The following RYR3 variants were observed in gnomAD, a reference collection of about 807,000 sequenced individuals.
The protein encoded by RYR3 is brain ryanodine receptor-calcium release channel.
Under a neutral mutation model 584.3 loss-of-function variants are expected in RYR3, and 207 were observed. The observed-to-expected ratio is 0.35, with a 90% CI of 0.32 to 0.40. The LOEUF (loss-of-function observed/expected upper bound fraction) is 0.40, where lower values mean the gene tolerates loss of function less well. Among genes scored for constraint, RYR3 ranks in the 10% least tolerant of loss-of-function variants. The probability of loss-of-function intolerance (pLI) is 1.00; values close to 1 mark genes in which losing one functional copy is unlikely to be tolerated. For synonymous variants in RYR3, 2,416 were observed against 2,248.5 expected (o/e 1.07, Z -2.11); for missense variants, 5,616 against 6,089.2 (o/e 0.92, Z 2.59).
At chr15:33,799,744 A>T (rs1446726273) in intron 67 of RYR3, among the ~76,000 whole-genome samples, 1 of 152,220 alleles carries the variant, frequency 6.6e-6, no homozygotes, top group Non-Finnish European at 1.5e-5. Flanking sequence ...TGAGACCGGC[A>T]TCTGAAGTGA....
intron 19 of RYR3, 97 bp downstream of exon 19, chr15:33,613,472 G>T (rs2060297878): frequency 1.6e-6 from 2 of 1,252,994 alleles, no homozygotes; most frequent in Non-Finnish European, 2.2e-6. Context: ...CAGGGCTTCA[G>T]TACTGTGAAC....
chr15:33,510,583 C>T (rs2052891171), intron 3 of RYR3, among the ~76,000 whole-genome samples: 1 of 150,528 alleles, frequency 6.6e-6, no homozygotes, highest in Non-Finnish European at 1.5e-5. Context: ...GCATTGAGTA[C>T]ATAATTTTAA....
At chr15:33,610,643 A>G (rs1256417559) in intron 18 of RYR3, among the ~76,000 whole-genome samples, 1 of 152,216 alleles carries the variant, frequency 6.6e-6, no homozygotes, top group African/African-American at 2.4e-5. Context: ...CTTAGTTTAG[A>G]ATCTGTTATA....
rs541230852 is a variant in RYR3, at chr15:33,530,704, G to A, written c.354+38G>A. 27 of 1,518,072 alleles carry A rather than the reference G, an allele frequency of 1.8e-5. No individual in the cohort carries two copies. The Admixed American group carries it at 3.5e-4, about 20-fold the overall frequency. 94.0% of individuals were successfully genotyped at this position (1,518,072 alleles called of 1,614,324 possible). On this transcript the variant is annotated intron_variant, in intron 4 of 103. Coordinates refer to ENST00000634891, the MANE Select transcript of RYR3 (RefSeq NM_001036.6). Reference sequence around the variant, plus strand: ...GGTGCCCACTTTCATCATTCAAGGAGAAGGAAAAACTGAAGAGGGGGAAAT... The same window carrying A: ...GGTGCCCACTTTCATCATTCAAGGAAAAGGAAAAACTGAAGAGGGGGAAAT...
intron 38 of RYR3, among the ~76,000 whole-genome samples, chr15:33,679,211 C>T (rs1456702458): frequency 2.8e-5 from 4 of 143,698 alleles, no homozygotes; most frequent in Non-Finnish European, 4.5e-5. Flanking sequence ...ATTGCATCAC[C>T]TGACCCCTGA....
chr15:33,714,464 G>A (rs2152798777), intron 43 of RYR3, among the ~76,000 whole-genome samples: 1 of 152,186 alleles, frequency 6.6e-6, no homozygotes, highest in East Asian at 1.9e-4. Context: ...TTTAACTCTG[G>A]AAGTAATGAA....
chr15:33,528,929 G>A (rs2054617189), intron 3 of RYR3, among the ~76,000 whole-genome samples: 1 of 152,186 alleles, frequency 6.6e-6, no homozygotes, highest in Admixed American at 6.5e-5. Flanking sequence ...GGAAGTATAA[G>A]CTGGTCAGTG....
At chr15:33,409,840 G>C (rs539048130) in intron 1 of RYR3, among the ~76,000 whole-genome samples, 2 of 152,234 alleles carry the variant, frequency 1.3e-5, no homozygotes, top group African/African-American at 4.8e-5. Context: ...AAAGGCACAA[G>C]GTTGTCTAAG....
intron 25 of RYR3, 145 bp downstream of exon 25, chr15:33,634,878 TTTA>T: frequency 1.5e-6 from 1 of 683,218 alleles, no homozygotes; most frequent in South Asian, 2.0e-5. Flanking sequence ...TGTGATTTTT[TTTA>T]TTGTTATCGG....
chr15:33,631,278 T>C lies in RYR3; in HGVS notation c.2852T>C (p.Val951Ala). ...NPAAEEDLKK[V>A]KLPKNYMMSN... ...GCTGCTGAGGAGGATCTCAAGAAGGTCAAACTGCCCAAAAAGTAGGTGATT... is the reference window on the plus strand; with the variant it reads ...GCTGCTGAGGAGGATCTCAAGAAGGCCAAACTGCCCAAAAAGTAGGTGATT... Residue 951 changes from valine to alanine, a missense_variant, in exon 23 of 104, where the codon GTC becomes GCC. Val to Ala is a moderately conservative substitution (Grantham distance 64). This residue lies in a region of RYR3 where 1,284 missense variants were observed against 1,344.6 expected (regional missense o/e 0.95). Coordinates refer to ENST00000634891, the MANE Select transcript of RYR3 (RefSeq NM_001036.6). 1 of 1,584,112 alleles carries C rather than the reference T, an allele frequency of 6.3e-7. No individual in the cohort carries two copies. Among genetic ancestry groups the C allele is most frequent in the African/African-American group, 1.3e-5 (1 of 74,440 alleles).
chr15:33,544,319 C>A (rs994034970), intron 8 of RYR3, among the ~76,000 whole-genome samples: 2 of 151,766 alleles, frequency 1.3e-5, no homozygotes, highest in African/African-American at 4.8e-5. Context: ...AAAGCTTGGC[C>A]TTGTAACTAT....
intron 1 of RYR3, among the ~76,000 whole-genome samples, chr15:33,408,901 T>C (rs1002141639): frequency 2.0e-5 from 3 of 152,232 alleles, no homozygotes; most frequent in Non-Finnish European, 2.9e-5. Flanking sequence ...TTAATATTTA[T>C]AGTCATCTAC....
At chr15:33,678,483 G>T (rs2064342803) in intron 38 of RYR3, among the ~76,000 whole-genome samples, 1 of 152,182 alleles carries the variant, frequency 6.6e-6, no homozygotes, top group Non-Finnish European at 1.5e-5. Context: ...TGTACAGCCT[G>T]CAGAATTGTG....
chr15:33,822,149 C>G (rs2077142391), intron 80 of RYR3, among the ~76,000 whole-genome samples: 1 of 152,192 alleles, frequency 6.6e-6, no homozygotes, highest in Non-Finnish European at 1.5e-5. Context: ...CTCTAGTGAG[C>G]ATTAAATGCG....
chr15:33,429,919 GA>G (rs34966649), intron 1 of RYR3, among the ~76,000 whole-genome samples: 89 of 152,296 alleles, frequency 5.8e-4, no homozygotes, highest in Middle Eastern at 3.4e-3. Flanking sequence ...GCAGCAGGGG[GA>G]AAAAAGACTT....
chr15:33,792,174 T>C (rs950903794), intron 67 of RYR3, among the ~76,000 whole-genome samples: 2 of 152,056 alleles, frequency 1.3e-5, no homozygotes, highest in African/African-American at 4.8e-5. Flanking sequence ...GGAAGGGGAA[T>C]GGCTCAGATT....
intron 1 of RYR3, among the ~76,000 whole-genome samples, chr15:33,402,321 C>T (rs1261837255): frequency 6.6e-6 from 1 of 152,060 alleles, no homozygotes; most frequent in African/African-American, 2.4e-5. Context: ...TGAAGAAGAG[C>T]CATGAATAAC....
At chr15:33,719,730 G>GT (rs1250704440) in intron 43 of RYR3, among the ~76,000 whole-genome samples, 1 of 152,200 alleles carries the variant, frequency 6.6e-6, no homozygotes, top group African/African-American at 2.4e-5. Flanking sequence ...GGGCTTTTCT[G>GT]TAAGTATCCC....
intron 60 of RYR3, among the ~76,000 whole-genome samples, chr15:33,766,014 C>G (rs1336806857): frequency 6.6e-6 from 1 of 152,168 alleles, no homozygotes; most frequent in Non-Finnish European, 1.5e-5. Flanking sequence ...AGTGCGGTGG[C>G]TCACGCTTGT....
Sources: allele counts gnomAD v4.1 joint callset (sites outside exome capture counted in the v4.1 genomes callset), GRCh38; gene constraint gnomAD v4.1.1; regional missense constraint gnomAD v4.1.1; transcripts MANE v1.5; gene names NCBI Gene and HGNC (gene_info 2026-07-23, HGNC 2026-07-21).